The following APBB2 variants were observed in gnomAD, a reference collection of about 807,000 sequenced individuals.
APBB2 encodes the protein amyloid beta precursor protein binding family B member 2.
APBB2 carries 38 observed loss-of-function variants against 82.5 expected under a neutral mutation model. That is an observed-to-expected ratio of 0.46 (90% confidence interval 0.36 to 0.60). The LOEUF is 0.60. Among genes scored for constraint, APBB2 ranks in the 20% least tolerant of loss-of-function variants. The pLI is 0.00. For missense variants in APBB2, 772 were observed against 972.3 expected, an observed-to-expected ratio of 0.79 and a Z score of 2.74; for synonymous variants, 341 against 368.2, an observed-to-expected ratio of 0.93 and a Z score of 0.85.
chr4:40,982,400 G>GGAAAGGAAAGGAAAGGAAAGGAAA (rs1799221259), intron 6 of APBB2, among the ~76,000 whole-genome samples: 1 of 16,046 alleles, frequency 6.2e-5, no homozygotes, highest in Non-Finnish European at 1.4e-4. Flanking sequence ...GGAAAGGAAA[G>GGAAAGGAAAGGAAAGGAAAGGAAA]GAAAGAAAGA....
intron 1 of APBB2, among the ~76,000 whole-genome samples, chr4:41,167,754 C>T (rs919799855): frequency 4.3e-4 from 65 of 152,082 alleles, no homozygotes; most frequent in African/African-American, 1.5e-3. Flanking sequence ...TGAGCTGATC[C>T]TAGTATGAGG....
chr4:40,893,049 C>T (rs1262813553), intron 11 of APBB2: 4 of 434,284 alleles, frequency 9.2e-6, no homozygotes, highest in South Asian at 5.8e-5. Flanking sequence ...TACTGAGAAA[C>T]GCTCTCTCTC....
chr4:41,128,909 G>A (rs565049977), intron 2 of APBB2, among the ~76,000 whole-genome samples: 13 of 152,166 alleles, frequency 8.5e-5, no homozygotes, highest in African/African-American at 3.1e-4. Flanking sequence ...CCAGCCCCTT[G>A]CATCCTTTAC....
chr4:41,170,179 C>T (rs1233642774), intron 1 of APBB2, among the ~76,000 whole-genome samples: 1 of 152,160 alleles, frequency 6.6e-6, no homozygotes, highest in African/African-American at 2.4e-5. Context: ...GGGACATTTT[C>T]CCCAGTGGTC....
intron 12 of APBB2, among the ~76,000 whole-genome samples, chr4:40,834,966 T>C (rs1014875674): frequency 9.9e-5 from 15 of 152,198 alleles, no homozygotes; most frequent in Non-Finnish European, 5.9e-5. Flanking sequence ...TATTAAAGAC[T>C]GATATTTTTT....
intron 6 of APBB2, among the ~76,000 whole-genome samples, chr4:40,988,950 G>C (rs1238972925): frequency 1.3e-5 from 2 of 151,922 alleles, no homozygotes; most frequent in African/African-American, 2.4e-5. Context: ...GTAGAGACGA[G>C]GGTTTCACCA....
chr4:40,849,884 C>T (rs1384118605), intron 12 of APBB2, among the ~76,000 whole-genome samples: 1 of 20,552 alleles, frequency 4.9e-5, no homozygotes, highest in African/African-American at 6.4e-4. Context: ...GCCACCACAC[C>T]CAGCTATTTT....
rs540136661 is a variant in APBB2, at chr4:40,887,015, G to T, written c.1529+3349C>A. ...GAAACACCGTAATAAAGACAGACAT[G>T]GCTCTCAACAAGACAAAGCCTTCAG... is the stretch of plus-strand genomic sequence containing the variant. On this transcript the variant is annotated intron_variant, in intron 12 of 17. Transcript: ENST00000508593. Among the ~76,000 whole-genome samples the T allele has an allele frequency of 3.9e-5, 6 of 152,300 alleles. 1 individual carries two copies. In the Middle Eastern group the frequency reaches 0.017, roughly 432 times the overall value.
At chr4:41,039,972 G>GT (rs1422284388) in intron 4 of APBB2, among the ~76,000 whole-genome samples, 1 of 151,942 alleles carries the variant, frequency 6.6e-6, no homozygotes, top group Non-Finnish European at 1.5e-5. Flanking sequence ...CCTGGCATAA[G>GT]TAAGTGCCCA....
intron 6 of APBB2, among the ~76,000 whole-genome samples, chr4:40,966,996 T>C (rs1294914398): frequency 6.6e-6 from 1 of 152,182 alleles, no homozygotes; most frequent in Non-Finnish European, 1.5e-5. Context: ...GGCCTGCCCA[T>C]GGTCACTCAT....
intron 6 of APBB2, among the ~76,000 whole-genome samples, chr4:40,953,837 A>C (rs1790875728): frequency 6.6e-6 from 1 of 152,200 alleles, no homozygotes; most frequent in South Asian, 2.1e-4. Flanking sequence ...GTGTCCTTTC[A>C]AAGGGGCTCT....
intron 12 of APBB2, among the ~76,000 whole-genome samples, chr4:40,875,459 C>A (rs994734298): frequency 3.3e-5 from 5 of 152,208 alleles, no homozygotes; most frequent in African/African-American, 1.2e-4. Context: ...CATTAAACAA[C>A]TGGAAAATGG....
At chr4:41,121,870 T>C (rs1240680929) in intron 2 of APBB2, among the ~76,000 whole-genome samples, 1 of 152,146 alleles carries the variant, frequency 6.6e-6, no homozygotes, top group Non-Finnish European at 1.5e-5. Flanking sequence ...GCAACATTTT[T>C]AATATATGGC....
At chr4:40,989,373 G>A (rs1485870480) in intron 6 of APBB2, among the ~76,000 whole-genome samples, 2 of 152,014 alleles carry the variant, frequency 1.3e-5, no homozygotes, top group African/African-American at 4.8e-5. Context: ...TTTCCTGGGA[G>A]CAAAACCAAA....
At chr4:40,892,371 A>G (rs949158030) in intron 11 of APBB2, 1 of 152,220 alleles carries the variant, frequency 6.6e-6, no homozygotes, top group African/African-American at 2.4e-5. Context: ...CCTTATGCCT[A>G]GAATCTAAAA....
intron 2 of APBB2, among the ~76,000 whole-genome samples, chr4:41,109,616 A>G (rs971220410): frequency 3.3e-5 from 5 of 152,086 alleles, no homozygotes; most frequent in South Asian, 2.1e-4. Context: ...GATTACAGGC[A>G]CCCACCACTA....
chr4:41,105,728 C>CA (rs1316014123), intron 2 of APBB2, among the ~76,000 whole-genome samples: 2 of 151,450 alleles, frequency 1.3e-5, no homozygotes, highest in Non-Finnish European at 2.9e-5. Context: ...ACTAAAAATA[C>CA]AAAAAAAATT....
chr4:41,152,286 G>C (rs570406043), intron 1 of APBB2, among the ~76,000 whole-genome samples: 3 of 150,858 alleles, frequency 2.0e-5, no homozygotes, highest in African/African-American at 7.3e-5. Context: ...AAAGTCCTTA[G>C]GGTTCTAAAT....
At chr4:40,990,830 G>A (rs755077127) in intron 6 of APBB2, among the ~76,000 whole-genome samples, 12 of 152,008 alleles carry the variant, frequency 7.9e-5, no homozygotes, top group Non-Finnish European at 1.5e-4. Context: ...TTCCTCTTCT[G>A]CCAAGCAGAG....
Sources: gnomAD v4.1 joint callset for allele counts (sites outside exome capture counted in the v4.1 genomes callset) on GRCh38, gnomAD v4.1.1 for gene constraint, MANE v1.5 for transcripts, NCBI Gene and HGNC (gene_info 2026-07-23, HGNC 2026-07-21) for gene names.